The following VTI1A variants were observed in gnomAD, a reference collection of about 807,000 sequenced individuals.
VTI1A encodes the protein vesicle transport through interaction with t-SNAREs homolog 1A.
VTI1A carries 22 observed loss-of-function variants against 34.9 expected under a neutral mutation model. That is an observed-to-expected ratio of 0.63 (90% CI 0.45 to 0.90). The LOEUF (loss-of-function observed/expected upper bound fraction) is 0.90. VTI1A is among the 40% of genes least tolerant of loss of function. The pLI, the probability that VTI1A is intolerant of heterozygous loss-of-function variation, is 0.00. For synonymous variants in VTI1A, 87 were observed against 97.3 expected, an observed-to-expected ratio of 0.89 and a Z score of 0.62; for missense variants, 268 against 275.6, an observed-to-expected ratio of 0.97 and a Z score of 0.20.
chr10:112,536,725 C>T (rs534683968), intron 4 of VTI1A, among the ~76,000 whole-genome samples: 1 of 151,904 alleles, frequency 6.6e-6, no homozygotes, highest in Non-Finnish European at 1.5e-5. Context: ...GTTCTAAATG[C>T]ATTGTTTTAA....
chr10:112,654,562 G>C (rs1028649560), intron 5 of VTI1A, among the ~76,000 whole-genome samples: 2 of 151,912 alleles, frequency 1.3e-5, no homozygotes, highest in Non-Finnish European at 2.9e-5. Context: ...GCACAGTCTC[G>C]ACTCACTGCA....
chr10:112,672,872 G>A (rs149894980), intron 7 of VTI1A: 2 of 152,236 alleles, frequency 1.3e-5, no homozygotes, highest in African/African-American at 4.8e-5. Context: ...ATCACTAATT[G>A]TACATTTGTT....
At chr10:112,679,315 A>T (rs1490194413) in intron 7 of VTI1A, among the ~76,000 whole-genome samples, 4 of 152,280 alleles carry the variant, frequency 2.6e-5, no homozygotes, top group Non-Finnish European at 5.9e-5. Context: ...CTTTTCTTTT[A>T]TGGGGAAAAG....
rs545298543 is a variant in VTI1A at position 112,733,958 on chromosome 10, G to C, written c.560+64960G>C. Among the ~76,000 whole-genome samples, 174 of 152,012 alleles carry C rather than the reference G, an allele frequency of 1.1e-3. 1 individual carries two copies. Among genetic ancestry groups the C allele is most frequent in the African/African-American group, 3.8e-3 (158 of 41,444 alleles). Reference sequence around the variant, plus strand: ...GTAGAGACAGGGTTTCACCATGTTGGTCAGACTGGTCTCGAACTCCTGACC... The same window carrying C: ...GTAGAGACAGGGTTTCACCATGTTGCTCAGACTGGTCTCGAACTCCTGACC... On this transcript the variant is annotated intron_variant, in intron 7 of 7. Coordinates refer to ENST00000393077, the MANE Select transcript of VTI1A (RefSeq NM_145206.4).
intron 4 of VTI1A, among the ~76,000 whole-genome samples, chr10:112,533,797 G>T (rs1011030780): frequency 1.4e-5 from 2 of 147,016 alleles, no homozygotes; most frequent in African/African-American, 5.1e-5. Context: ...ATACTTTAAA[G>T]GCCAAAAAAA....
At chr10:112,565,334 G>A (rs973273320) in intron 5 of VTI1A, among the ~76,000 whole-genome samples, 13 of 152,056 alleles carry the variant, frequency 8.5e-5, no homozygotes, top group African/African-American at 3.1e-4. Flanking sequence ...ATATTAAATA[G>A]TTGGCCACAA....
chr10:112,617,452 G>C (rs1162798950), intron 5 of VTI1A, among the ~76,000 whole-genome samples: 1 of 151,918 alleles, frequency 6.6e-6, no homozygotes, highest in Non-Finnish European at 1.5e-5. Flanking sequence ...AACTGAATGA[G>C]AAATTACTAA....
intron 5 of VTI1A, among the ~76,000 whole-genome samples, chr10:112,626,518 C>T (rs958644030): frequency 2.6e-5 from 4 of 151,886 alleles, no homozygotes; most frequent in Non-Finnish European, 2.9e-5. Context: ...ACAAGGACTA[C>T]ATCTTAATCT....
rs563552881 is a variant in VTI1A, at chr10:112,623,038, G to A, written c.428-45180G>A. ...CCTTGTGTATAATGCTCAGGATTGG[G>A]TGGTACACCTGAAAAGGCTCGGATT... On this transcript the variant is annotated intron_variant, in intron 5 of 7. Coordinates refer to ENST00000393077, the MANE Select transcript of VTI1A (RefSeq NM_145206.4). Among the ~76,000 whole-genome samples the A allele has an allele frequency of 1.7e-3, 252 of 152,278 alleles. 3 individuals carry two copies. The highest frequency in any genetic ancestry group is 0.014 in the Middle Eastern group (4 of 294).
chr10:112,762,433 G>A (rs538674628), intron 7 of VTI1A, among the ~76,000 whole-genome samples: 2 of 152,320 alleles, frequency 1.3e-5, no homozygotes, highest in African/African-American at 4.8e-5. Context: ...AATAGAAGCC[G>A]TAGTTAAAGC....
At chr10:112,487,602 G>A (rs1256582644) in intron 3 of VTI1A, among the ~76,000 whole-genome samples, 2 of 152,070 alleles carry the variant, frequency 1.3e-5, no homozygotes, top group African/African-American at 4.8e-5. Flanking sequence ...ACCTTGTTAT[G>A]TACAGTTGCT....
chr10:112,718,165 G>T (rs1246680294), intron 7 of VTI1A, among the ~76,000 whole-genome samples: 1 of 152,142 alleles, frequency 6.6e-6, no homozygotes, highest in African/African-American at 2.4e-5. Context: ...GCCAAATATT[G>T]CTCAGATCTT....
At chr10:112,447,547 G>C in intron 1 of VTI1A, 80 bp downstream of exon 1, 1 of 1,498,684 alleles carries the variant, frequency 6.7e-7, no homozygotes, top group Non-Finnish European at 9.1e-7. Flanking sequence ...CCGAGTAAGT[G>C]TGTCTATGAG....
chr10:112,623,461 T>A (rs1203395077), intron 5 of VTI1A, among the ~76,000 whole-genome samples: 2 of 145,592 alleles, frequency 1.4e-5, no homozygotes, highest in South Asian at 2.2e-4. Flanking sequence ...TTGCCAGAAC[T>A]CTCTGAATCT....
At chr10:112,476,758 A>G (rs1028328400) in intron 3 of VTI1A, among the ~76,000 whole-genome samples, 2 of 152,228 alleles carry the variant, frequency 1.3e-5, no homozygotes, top group African/African-American at 4.8e-5. Context: ...GAAGTAAGGT[A>G]GCAATTTGAA....
the VTI1A span, among the ~76,000 whole-genome samples, chr10:112,842,709 G>C: frequency 6.6e-6 from 1 of 152,324 alleles, no homozygotes; most frequent in Non-Finnish European, 1.5e-5. Flanking sequence ...GTGGATCACA[G>C]ACATAACACA....
At chr10:112,523,865 T>G (rs1367819249) in intron 3 of VTI1A, among the ~76,000 whole-genome samples, 1 of 152,148 alleles carries the variant, frequency 6.6e-6, no homozygotes, top group African/African-American at 2.4e-5. Context: ...CATTTCCAGC[T>G]CAAATTCTCA....
chr10:112,459,088 G>A (rs755473069), intron 1 of VTI1A, among the ~76,000 whole-genome samples: 1 of 152,136 alleles, frequency 6.6e-6, no homozygotes, highest in African/African-American at 2.4e-5. Flanking sequence ...TGTTGTGTTA[G>A]TCAGTCTCAT....
chr10:112,681,528 C>T (rs1026477779), intron 7 of VTI1A, among the ~76,000 whole-genome samples: 1 of 152,102 alleles, frequency 6.6e-6, no homozygotes, highest in Non-Finnish European at 1.5e-5. Context: ...ATATTTTTGA[C>T]ATGTGAAAAA....
Sources: allele counts gnomAD v4.1 joint callset (sites outside exome capture counted in the v4.1 genomes callset), GRCh38; gene constraint gnomAD v4.1.1; transcripts MANE v1.5; gene names NCBI Gene and HGNC (gene_info 2026-07-23, HGNC 2026-07-21).